TRAPPC6A: variants seen among roughly 807,000 people sequenced by gnomAD.
The protein encoded by TRAPPC6A is trafficking protein particle complex subunit 6A.
In TRAPPC6A, 25 loss-of-function variants were observed where a neutral mutation model predicts 20.8. The observed-to-expected ratio is 1.20, with a 90% CI of 0.88 to 1.68. The LOEUF is 1.68. TRAPPC6A is among the 40% of genes most tolerant of loss of function. The pLI, the probability that TRAPPC6A is intolerant of heterozygous loss-of-function variation, is 0.00. For synonymous variants in TRAPPC6A, 96 were observed against 93.3 expected (o/e 1.03, Z -0.16); for missense variants, 215 against 211.6 (o/e 1.02, Z -0.10).
At position 45,163,358 on chromosome 19, in the gene TRAPPC6A, G is replaced by T; in HGVS notation, c.449-135C>A. On this transcript the variant is annotated intron_variant, in intron 5 of 5. Coordinates refer to ENST00000585934, the MANE Select transcript of TRAPPC6A (RefSeq NM_001270891.2). This position sits in a 1 kb window ranked among gnomAD's most constrained non-coding sequence, Gnocchi z 5.3. ...GGTTGGGCTGTTTCCTCCCGCCCAC[G>T]GGGCCGCATCCCTGAGCTGTGTGAG... The T allele has an allele frequency of 1.1e-6, 1 of 923,276 alleles. No individual in the cohort carries two copies. The highest frequency in any genetic ancestry group is 1.7e-6 in the Non-Finnish European group (1 of 594,892). The allele number at this position is 923,276 out of a possible 1,614,324, so 57.2% of individuals were successfully genotyped here.
At chr19:45,178,105 CG>C in intron 1 of TRAPPC6A, 29 bp downstream of exon 1, 1 of 1,612,706 alleles carries the variant, frequency 6.2e-7, no homozygotes, top group Non-Finnish European at 8.5e-7. Context: ...TGGTGGCCCC[CG>C]CTTCCTCCCC....
In TRAPPC6A at chr19:45,163,268, G is replaced by C. The variant is rs764273320; in HGVS notation, c.449-45C>G. ...TTAGGCTTGAGGATGGGATGGGGGA[G>C]GCAGAGGGCACCTGGACGGCTCTTA... On this transcript the variant is annotated intron_variant, in intron 5 of 5. Coordinates refer to ENST00000585934, the MANE Select transcript of TRAPPC6A (RefSeq NM_001270891.2). This position sits in a 1 kb window ranked among gnomAD's most constrained non-coding sequence, Gnocchi z 5.3. The C allele has an allele frequency of 1.2e-6, 2 of 1,609,740 alleles. No homozygotes were observed. The highest frequency in any genetic ancestry group is 1.7e-6 in the Non-Finnish European group (2 of 1,176,616).
At chr19:45,171,159 G>A (rs949175998) in intron 1 of TRAPPC6A, among the ~76,000 whole-genome samples, 16 of 152,114 alleles carry the variant, frequency 1.1e-4, no homozygotes, top group South Asian at 2.1e-4. Context: ...AAAATTAGCC[G>A]GGCGTGGTGG....
At chr19:45,170,806 G>T (rs1969252802) in intron 1 of TRAPPC6A, among the ~76,000 whole-genome samples, 1 of 152,208 alleles carries the variant, frequency 6.6e-6, no homozygotes, top group Admixed American at 6.5e-5. Context: ...CCTGGACAGG[G>T]GCCATTCAGA....
At chr19:45,167,606 C>T (rs1460429536) in intron 1 of TRAPPC6A, among the ~76,000 whole-genome samples, 2 of 152,204 alleles carry the variant, frequency 1.3e-5, no homozygotes, top group African/African-American at 4.8e-5. Context: ...CCTCAGCCTC[C>T]CCAGTAGCTG....
chr19:45,163,788 C>A lies in TRAPPC6A; in HGVS notation c.448+128G>T. Reference sequence around the variant, plus strand: ...GGGGCACAGATGGGCCTGCACCAGCCGTGTGGCTGAGCAGGTGACTTAAAA... The same window carrying A: ...GGGGCACAGATGGGCCTGCACCAGCAGTGTGGCTGAGCAGGTGACTTAAAA... On this transcript the variant is annotated intron_variant, in intron 5 of 5. Transcript: ENST00000585934. This position sits in a 1 kb window ranked among gnomAD's most constrained non-coding sequence, Gnocchi z 5.3. 1.3e-6 allele frequency: 1 copy of A among 790,866 alleles called. No homozygotes were observed. Among genetic ancestry groups the A allele is most frequent in the Non-Finnish European group, 2.1e-6 (1 of 483,460 alleles). 49.0% of individuals were successfully genotyped at this position (790,866 alleles called of 1,614,324 possible).
chr19:45,167,865 G>A (rs937358140), intron 1 of TRAPPC6A, among the ~76,000 whole-genome samples: 5 of 152,138 alleles, frequency 3.3e-5, no homozygotes, highest in African/African-American at 7.2e-5. Context: ...CAGGTGTGGT[G>A]GCATGCACCC....
intron 1 of TRAPPC6A, among the ~76,000 whole-genome samples, chr19:45,175,515 T>C (rs1167408187): frequency 1.3e-5 from 2 of 151,550 alleles, no homozygotes; most frequent in Non-Finnish European, 2.9e-5. Context: ...GGAGAATGTA[T>C]AAAGGAGATC....
intron 1 of TRAPPC6A, among the ~76,000 whole-genome samples, chr19:45,167,054 C>A (rs1005294375): frequency 6.6e-6 from 1 of 152,124 alleles, no homozygotes; most frequent in East Asian, 1.9e-4. Flanking sequence ...TCCCAGCTTG[C>A]GTCCCCAGCC....
intron 1 of TRAPPC6A, among the ~76,000 whole-genome samples, chr19:45,170,005 G>A (rs1969236245): frequency 6.6e-6 from 1 of 152,190 alleles, no homozygotes; most frequent in African/African-American, 2.4e-5. Context: ...GACAATCTGG[G>A]AAGGGCTGGG....
Position 45,162,982 on chromosome 19 carries a change from G to T in TRAPPC6A, c.*210C>A. 4.4e-6 allele frequency: 2 copies of T among 449,908 alleles called. No individual in the cohort carries two copies. Among genetic ancestry groups the T allele is most frequent in the Non-Finnish European group, 7.8e-6 (2 of 255,562 alleles). 27.9% of individuals were successfully genotyped at this position (449,908 alleles called of 1,614,324 possible). Reference sequence around the variant, plus strand: ...GCAGCTACTGGGCAGTGACGCTGCCGAGGCGGGAATCCCACCACAGTCCTG... The same window carrying T: ...GCAGCTACTGGGCAGTGACGCTGCCTAGGCGGGAATCCCACCACAGTCCTG... On this transcript the variant is annotated 3_prime_UTR_variant, in exon 6 of 6. Transcript: ENST00000585934.
In TRAPPC6A at chr19:45,178,214, G is replaced by A. The variant is rs1969442228; in HGVS notation, c.5C>T (p.Ala2Val). M[A>V]DTVLFEFLHT... ...AAGAAACTCAAACAACACAGTATCC[G>A]CCATGCCCCCTCCTCGCACGCCTAA... The change falls in exon 1 of 6, where the codon GCG becomes GTG. Residue 2 changes from alanine (A) to valine (V), a missense_variant. By Grantham distance (64) the Ala-to-Val change is moderately conservative. Transcript: ENST00000585934. 3.8e-6 allele frequency: 6 copies of A among 1,595,842 alleles called. No individual in the cohort carries two copies. The highest frequency in any genetic ancestry group is 2.3e-5 in the East Asian group (1 of 43,882).
chr19:45,165,255 A>AG (rs965131509), intron 1 of TRAPPC6A, 61 bp from the exon 2 acceptor site: 8 of 1,514,132 alleles, frequency 5.3e-6, no homozygotes, highest in Admixed American at 3.9e-5. Context: ...GGGGCCACCC[A>AG]GGGGGGGACC....
rs770420088 is a variant in TRAPPC6A at position 45,164,839 on chromosome 19, C to T, written c.270+14G>A. On this transcript the variant is annotated intron_variant, in intron 3 of 5. Coordinates refer to ENST00000585934, the MANE Select transcript of TRAPPC6A (RefSeq NM_001270891.2). ...TCAGGAGGAAGCTGGACGGGCAGGC[C>T]GGGGTGCTCCCACCTGGTGATTGGT... 9 of 1,611,358 alleles carry T rather than the reference C, an allele frequency of 5.6e-6. No homozygotes were observed. The highest frequency in any genetic ancestry group is 4.4e-5 in the South Asian group (4 of 91,044).
At position 45,165,175 on chromosome 19, in the gene TRAPPC6A, G is replaced by C; in HGVS notation, c.104C>G (p.Ser35Trp). ...ACGGAACCCCATACCCTCCAGGACC[G>C]ACAGGCTCATCTTCTGTCCCTAGAA... ...PGPGGQKMSL[S>W]VLEGMGFRVG... Residue 35 changes from serine to tryptophan, a missense_variant, in exon 2 of 6, where the codon TCG becomes TGG. Coordinates refer to ENST00000585934, the MANE Select transcript of TRAPPC6A (RefSeq NM_001270891.2). 1 of 1,607,060 alleles carries C rather than the reference G, an allele frequency of 6.2e-7. No homozygotes were observed. Among genetic ancestry groups the C allele is most frequent in the Non-Finnish European group, 8.5e-7 (1 of 1,177,066 alleles).
chr19:45,164,317 G>A, intron 3 of TRAPPC6A, 70 bp from the exon 4 acceptor site: 1 of 1,048,102 alleles, frequency 9.5e-7, no homozygotes, highest in South Asian at 1.6e-5. Flanking sequence ...GGGTAAGCAG[G>A]AACCCAGGTC....
chr19:45,177,349 T>A (rs1319393638), intron 1 of TRAPPC6A, among the ~76,000 whole-genome samples: 2 of 152,038 alleles, frequency 1.3e-5, no homozygotes, highest in Non-Finnish European at 2.9e-5. Flanking sequence ...TATCTCTTTT[T>A]TTTTTTTCCT....
chr19:45,164,776 C>T (rs532304841), intron 3 of TRAPPC6A, 77 bp downstream of exon 3: 7 of 1,393,468 alleles, frequency 5.0e-6, no homozygotes, highest in South Asian at 3.5e-5. Flanking sequence ...GCTGCTCTGG[C>T]GCCGGGGGAT....
chr19:45,177,191 G>GCGCACACACACACA (rs61484972), intron 1 of TRAPPC6A, among the ~76,000 whole-genome samples: 5 of 147,998 alleles, frequency 3.4e-5, no homozygotes, highest in African/African-American at 1.2e-4. Flanking sequence ...GCGCGTGCGC[G>GCGCACACACACACA]CACACACACA....
Sources: gnomAD v4.1 joint callset for allele counts (sites outside exome capture counted in the v4.1 genomes callset) on GRCh38, gnomAD v4.1.1 for gene constraint, Gnocchi (gnomAD v3.1) non-coding constraint, MANE v1.5 for transcripts, NCBI Gene and HGNC (gene_info 2026-07-23, HGNC 2026-07-21) for gene names.